The following DLGAP1 variants were observed in gnomAD, a reference collection of about 807,000 sequenced individuals.
DLGAP1 encodes DLG associated protein 1, also known as disks large-associated protein 1.
Under a neutral mutation model 90.8 loss-of-function variants are expected in DLGAP1, and 11 were observed. That is an observed-to-expected ratio of 0.12 (90% CI 0.08 to 0.20). DLGAP1 has a LOEUF of 0.20. Among genes scored for constraint, DLGAP1 ranks in the 10% least tolerant of loss-of-function variants. The pLI is 1.00. For synonymous variants in DLGAP1, 558 were observed against 540.7 expected (o/e 1.03, Z -0.44); for missense variants, 1,050 against 1,333.8 (o/e 0.79, Z 3.31).
chr18:4,365,109 T>C (rs1026824210), intron 1 of DLGAP1, among the ~76,000 whole-genome samples: 2 of 152,206 alleles, frequency 1.3e-5, no homozygotes, highest in Admixed American at 6.5e-5. Context: ...TCCTTGTGAA[T>C]ATTAACAATA....
intron 7 of DLGAP1, chr18:3,656,292 A>C: frequency 7.8e-6 from 4 of 513,400 alleles, no homozygotes; most frequent in Non-Finnish European, 1.3e-5. Context: ...ACTAGGTCTC[A>C]TGGATGTCTT....
chr18:4,004,352 C>A (rs184333893), intron 3 of DLGAP1, among the ~76,000 whole-genome samples: 2 of 151,974 alleles, frequency 1.3e-5, no homozygotes, highest in African/African-American at 4.8e-5. Flanking sequence ...CCTAATCACT[C>A]GGGGAACAGC....
At chr18:3,826,321 C>T (rs929081577) in intron 4 of DLGAP1, among the ~76,000 whole-genome samples, 1 of 152,070 alleles carries the variant, frequency 6.6e-6, no homozygotes, top group Non-Finnish European at 1.5e-5. Context: ...AGGACAGACA[C>T]TAATAAAATG....
chr18:4,397,918 G>A (rs9966222), intron 1 of DLGAP1, among the ~76,000 whole-genome samples: 2 of 152,060 alleles, frequency 1.3e-5, no homozygotes, highest in Non-Finnish European at 2.9e-5. Context: ...TTTTATAGAT[G>A]ATTCATCAAT....
At chr18:4,424,631 G>A (rs926931643) in intron 1 of DLGAP1, among the ~76,000 whole-genome samples, 4 of 152,080 alleles carry the variant, frequency 2.6e-5, no homozygotes, top group Non-Finnish European at 4.4e-5. Context: ...CCTTCAAACT[G>A]TGACCAAACT....
chr18:3,867,987 T>G (rs1293113441), intron 4 of DLGAP1, among the ~76,000 whole-genome samples: 1 of 152,188 alleles, frequency 6.6e-6, no homozygotes, highest in Non-Finnish European at 1.5e-5. Context: ...GTGGATTTGA[T>G]TTTTCATAAG....
chr18:4,324,300 C>T (rs1019150145), intron 1 of DLGAP1, among the ~76,000 whole-genome samples: 1 of 150,262 alleles, frequency 6.7e-6, no homozygotes, highest in African/African-American at 2.5e-5. Flanking sequence ...CATACAATCT[C>T]GTATGACTGA....
intron 7 of DLGAP1, among the ~76,000 whole-genome samples, chr18:3,641,580 T>TACAC (rs1443170027): frequency 4.7e-5 from 6 of 127,286 alleles, no homozygotes; most frequent in African/African-American, 1.9e-4. Flanking sequence ...TGTACACATA[T>TACAC]ATATATACAC....
intron 4 of DLGAP1, among the ~76,000 whole-genome samples, chr18:3,830,409 C>CA (rs1276959520): frequency 1.3e-5 from 2 of 152,154 alleles, no homozygotes; most frequent in Middle Eastern, 3.4e-3. Context: ...ATTAAAGATA[C>CA]AAAAAATTAG....
chr18:4,267,340 T>C (rs529479465), intron 1 of DLGAP1, among the ~76,000 whole-genome samples: 1 of 152,318 alleles, frequency 6.6e-6, no homozygotes, highest in East Asian at 1.9e-4. Context: ...GGACTATCAA[T>C]GGGAAACTAC....
rs1376684229 is a variant in DLGAP1 at position 4,357,692 on chromosome 18, T to C, written c.-267+97314A>G. On this transcript the variant is annotated intron_variant, in intron 1 of 12. Coordinates refer to ENST00000315677, the MANE Select transcript of DLGAP1 (RefSeq NM_004746.4). ...AGCTCATCTGCTCCACTGACTGACA[T>C]CTCTGGCAACAGCAGCTGACACCGT... Among the ~76,000 whole-genome samples, 3 of 152,228 alleles carry C rather than the reference T, an allele frequency of 2.0e-5. No homozygotes were observed. In the East Asian group the frequency reaches 5.8e-4, roughly 29 times the overall value.
Position 3,752,212 on chromosome 18 carries a change from A to C in DLGAP1, c.1173-9700T>G, listed in dbSNP as rs1022768172. On this transcript the variant is annotated intron_variant, in intron 5 of 12. Transcript: ENST00000315677. ...AAAGTTTTATTGTGATATAATTTATACACAGTACCATAAAAGTCACCCTTT... is the reference window on the plus strand; with the variant it reads ...AAAGTTTTATTGTGATATAATTTATCCACAGTACCATAAAAGTCACCCTTT... Among the ~76,000 whole-genome samples the C allele has an allele frequency of 2.0e-5, 3 of 152,198 alleles. No homozygotes were observed. In the South Asian group the frequency reaches 6.2e-4, roughly 32 times the overall value.
At chr18:4,437,943 G>C (rs901919630) in intron 1 of DLGAP1, among the ~76,000 whole-genome samples, 1 of 152,144 alleles carries the variant, frequency 6.6e-6, no homozygotes, top group Non-Finnish European at 1.5e-5. Flanking sequence ...ATTTCTACTT[G>C]CTTCTTATAA....
At chr18:4,019,356 C>T (rs2074572398) in intron 2 of DLGAP1, among the ~76,000 whole-genome samples, 1 of 152,086 alleles carries the variant, frequency 6.6e-6, no homozygotes, top group Non-Finnish European at 1.5e-5. Flanking sequence ...TAGATTCTGA[C>T]ACTTAACCTA....
chr18:3,781,169 T>C (rs1156703926), intron 5 of DLGAP1, among the ~76,000 whole-genome samples: 7 of 152,170 alleles, frequency 4.6e-5, no homozygotes, highest in Admixed American at 3.3e-4. Context: ...AGGTGTGAGA[T>C]ACCAGACATA....
chr18:3,780,346 T>C (rs2065133043), intron 5 of DLGAP1, among the ~76,000 whole-genome samples: 1 of 152,202 alleles, frequency 6.6e-6, no homozygotes, highest in African/African-American at 2.4e-5. Flanking sequence ...GTCAGAAATA[T>C]GAAATGGGTC....
intron 7 of DLGAP1, among the ~76,000 whole-genome samples, chr18:3,681,182 T>G (rs1311620917): frequency 6.6e-6 from 1 of 152,206 alleles, no homozygotes; most frequent in Non-Finnish European, 1.5e-5. Flanking sequence ...AAATTTCAAG[T>G]GGCTTAAGTG....
At chr18:4,277,232 T>G (rs2079437559) in intron 1 of DLGAP1, among the ~76,000 whole-genome samples, 1 of 152,220 alleles carries the variant, frequency 6.6e-6, no homozygotes, top group Non-Finnish European at 1.5e-5. Flanking sequence ...CTAATAATGC[T>G]GCAAATTTCT....
intron 2 of DLGAP1, among the ~76,000 whole-genome samples, chr18:4,063,614 T>G (rs1052905336): frequency 6.6e-6 from 1 of 152,096 alleles, no homozygotes; most frequent in African/African-American, 2.4e-5. Flanking sequence ...TCCTCAGATC[T>G]AGGAGAGATA....
Sources: gnomAD v4.1 joint callset for allele counts (sites outside exome capture counted in the v4.1 genomes callset) on GRCh38, gnomAD v4.1.1 for gene constraint, MANE v1.5 for transcripts, NCBI Gene and HGNC (gene_info 2026-07-23, HGNC 2026-07-21) for gene names.